Variants in KAZN observed in about 807,000 individuals in gnomAD.
KAZN encodes the protein kazrin.
A neutral mutation model predicts 87.4 loss-of-function variants in KAZN; 40 were observed. That is an observed-to-expected ratio of 0.46 (90% CI 0.36 to 0.60). KAZN has a LOEUF of 0.60. Among genes scored for constraint, KAZN ranks in the 20% least tolerant of loss-of-function variants. The pLI, the probability that KAZN is intolerant of heterozygous loss-of-function variation, is 0.00. For missense variants in KAZN, 898 were observed against 1,073.9 expected (o/e 0.84, Z 2.29); for synonymous variants, 466 against 458.3 (o/e 1.02, Z -0.22).
At chr1:14,557,313 A>T (rs1183151104) in intron 2 of KAZN, among the ~76,000 whole-genome samples, 1 of 151,874 alleles carries the variant, frequency 6.6e-6, no homozygotes, top group Non-Finnish European at 1.5e-5. Flanking sequence ...AGTTATTTTT[A>T]AAAGACTCCT....
intron 1 of KAZN, among the ~76,000 whole-genome samples, chr1:14,837,109 A>T (rs1209958372): frequency 2.0e-5 from 3 of 152,126 alleles, no homozygotes; most frequent in African/African-American, 7.2e-5. Flanking sequence ...TTAATTTTTT[A>T]AAAAATTTTT....
rs375291525 is a variant in KAZN at position 14,976,094 on chromosome 1, C to CCCGCACACTGCACAG, written c.418+15231_418+15245dup. On this transcript the variant is annotated intron_variant, in intron 2 of 14. Coordinates refer to ENST00000376030, the MANE Select transcript of KAZN (RefSeq NM_201628.3). ...TCAGCTCTCAGACCTGCGCGGTGAGCCCGCACACTGCACAGCCGCACACTG... is the reference window on the plus strand; with the variant it reads ...TCAGCTCTCAGACCTGCGCGGTGAGCCCGCACACTGCACAGCCGCACACTGCACAGCCGCACACTG... Among the ~76,000 whole-genome samples the CCCGCACACTGCACAG allele has an allele frequency of 6.8e-3, 851 of 125,568 alleles. 13 individuals are homozygous for CCCGCACACTGCACAG. Among genetic ancestry groups the CCCGCACACTGCACAG allele is most frequent in the African/African-American group, 0.024 (785 of 32,236 alleles). The allele number at this position is 125,568 out of a possible 152,430, so 82.4% of individuals were successfully genotyped here.
chr1:15,008,030 C>T (rs1669209849), intron 2 of KAZN, among the ~76,000 whole-genome samples: 2 of 152,170 alleles, frequency 1.3e-5, no homozygotes, highest in South Asian at 4.1e-4. Flanking sequence ...CCTCCTTCTT[C>T]CTTCCCTTTT....
rs1342501522 is a variant in KAZN at position 14,883,320 on chromosome 1, G to GAA, written c.227-77363_227-77362insAA. Among the ~76,000 whole-genome samples the GAA allele has an allele frequency of 4.2e-3, 156 of 37,362 alleles. 23 individuals are homozygous for GAA. The highest frequency in any genetic ancestry group is 9.9e-3 in the Admixed American group (24 of 2,432). The allele number at this position is 37,362 out of a possible 152,430, so 24.5% of individuals were successfully genotyped here. A position where few individuals can be genotyped will look rare whatever the true frequency, so the allele number is the denominator to read the frequency against. On this transcript the variant is annotated intron_variant, in intron 1 of 14. Transcript: ENST00000376030. ...CAAAAGAAAGAAAGAAAGAAAGAAA[G>GAA]AGAGAGAGAGAGAGAGAGAGAGAAA...
At chr1:14,900,739 G>A (rs909882671) in intron 1 of KAZN, among the ~76,000 whole-genome samples, 2 of 123,962 alleles carry the variant, frequency 1.6e-5, no homozygotes, top group African/African-American at 5.6e-5. Flanking sequence ...GGGCGACAGA[G>A]CAAGACTCCA....
chr1:14,986,151 G>A (rs2101923304), intron 2 of KAZN, among the ~76,000 whole-genome samples: 1 of 151,396 alleles, frequency 6.6e-6, no homozygotes, highest in Admixed American at 6.6e-5. Flanking sequence ...GGGTGAAAAA[G>A]CCATGAAAAC....
chr1:14,018,623 T>A (rs1570539176), intron 1 of KAZN, among the ~76,000 whole-genome samples: 1 of 151,746 alleles, frequency 6.6e-6, no homozygotes, highest in African/African-American at 2.4e-5. Context: ...GTGGGGAGGG[T>A]CTGTCTTCCA....
intron 1 of KAZN, among the ~76,000 whole-genome samples, chr1:14,660,541 C>CTTTTTTTTT (rs1156503750): frequency 1.8e-4 from 14 of 76,032 alleles, no homozygotes; most frequent in East Asian, 4.6e-4. Context: ...CTCTCTCTCT[C>CTTTTTTTTT]TTTTTTTTTT....
chr1:15,048,736 C>G (rs1284990424), intron 4 of KAZN, among the ~76,000 whole-genome samples: 2 of 145,168 alleles, frequency 1.4e-5, no homozygotes, highest in African/African-American at 5.4e-5. Flanking sequence ...GGTCATGGGT[C>G]GTCGATCCTG....
At position 15,021,713 on chromosome 1, in the gene KAZN, C is replaced by A. The variant is rs896008934; in HGVS notation, c.419-13036C>A. On this transcript the variant is annotated intron_variant, in intron 2 of 14. Coordinates refer to ENST00000376030, the MANE Select transcript of KAZN (RefSeq NM_201628.3). This position sits in a 1 kb window ranked among gnomAD's most constrained non-coding sequence, Gnocchi z 4.2. ...TGCAGAGGGCCCCTGTGGCTCCCTG[C>A]AGTCCCTCTTATGACGGACACTCTG... Among the ~76,000 whole-genome samples, 1 of 152,190 alleles carries A rather than the reference C, an allele frequency of 6.6e-6. No homozygotes were observed. The highest frequency in any genetic ancestry group is 1.5e-5 in the Non-Finnish European group (1 of 68,030).
chr1:14,266,418 A>G lies in KAZN; in HGVS notation c.249+85826A>G, dbSNP rs116798556. ...CATTAAACATTGATGATGTATATGG[A>G]AACTAATTTTACCACACGCTAATTG... is the stretch of plus-strand genomic sequence containing the variant. On this transcript the variant is annotated intron_variant, in intron 2 of 16. Transcript: ENST00000636203. 3.3e-3 allele frequency among the ~76,000 whole-genome samples: 510 copies of G among 152,330 alleles called. 2 individuals carry two copies. The highest frequency in any genetic ancestry group is 0.011 in the African/African-American group (477 of 41,566).
chr1:14,380,389 A>G (rs1661268088), intron 2 of KAZN, among the ~76,000 whole-genome samples: 1 of 152,258 alleles, frequency 6.6e-6, no homozygotes, highest in South Asian at 2.1e-4. Flanking sequence ...CCAGGAACCT[A>G]TTTGAAGAAA....
intron 2 of KAZN, among the ~76,000 whole-genome samples, chr1:14,548,488 C>T (rs115712953): frequency 2.6e-4 from 39 of 152,278 alleles, no homozygotes; most frequent in African/African-American, 7.7e-4. Flanking sequence ...CGTGAGCTAC[C>T]GTGCCCAGCC....
At chr1:14,839,058 A>G (rs1422761185) in intron 1 of KAZN, among the ~76,000 whole-genome samples, 1 of 152,222 alleles carries the variant, frequency 6.6e-6, no homozygotes, top group Non-Finnish European at 1.5e-5. Flanking sequence ...AGCACAGTGC[A>G]TGGAGGGAAG....
At chr1:14,439,553 A>G (rs1271920786) in intron 2 of KAZN, among the ~76,000 whole-genome samples, 5 of 152,176 alleles carry the variant, frequency 3.3e-5, no homozygotes, top group African/African-American at 9.7e-5. Flanking sequence ...TTTTGCAGTG[A>G]TAGGAACGTT....
chr1:15,084,616 T>C (rs1640164140), intron 8 of KAZN, among the ~76,000 whole-genome samples: 1 of 152,134 alleles, frequency 6.6e-6, no homozygotes, highest in Non-Finnish European at 1.5e-5. Context: ...GGGTTAAATT[T>C]TGGGATATAG....
intron 11 of KAZN, 87 bp from the exon 12 acceptor site, chr1:15,103,272 G>A: frequency 1.1e-6 from 1 of 951,112 alleles, no homozygotes; most frequent in East Asian, 2.6e-5. Flanking sequence ...GTCTCGGGGG[G>A]AAAAAGAGAT....
intron 2 of KAZN, among the ~76,000 whole-genome samples, chr1:14,319,195 T>C (rs1477857090): frequency 6.6e-6 from 1 of 151,972 alleles, no homozygotes; most frequent in Non-Finnish European, 1.5e-5. Context: ...GGCTCTGTTC[T>C]GGGGGGTGGC....
chr1:15,067,465 G>T, intron 8 of KAZN: 1 of 985,464 alleles, frequency 1.0e-6, no homozygotes. Context: ...AGCAAGGTCT[G>T]CCCAAGGCCT....
Sources: allele counts gnomAD v4.1 joint callset (sites outside exome capture counted in the v4.1 genomes callset), GRCh38; gene constraint gnomAD v4.1.1; non-coding constraint Gnocchi (gnomAD v3.1); transcripts MANE v1.5; gene names NCBI Gene and HGNC (gene_info 2026-07-23, HGNC 2026-07-21).